The following PKNOX2 variants were observed in gnomAD, a reference collection of about 807,000 sequenced individuals.
The protein encoded by PKNOX2 is PBX/knotted 1 homeobox 2, also known as homeobox protein PKNOX2.
Under a neutral mutation model 53.1 loss-of-function variants are expected in PKNOX2, and 14 were observed. That is an observed-to-expected ratio of 0.26 (90% CI 0.17 to 0.41). The LOEUF is 0.41. Ranked by LOEUF, PKNOX2 falls within the 10% of genes least tolerant of loss-of-function variation. PKNOX2 has a pLI of 1.00. For synonymous variants in PKNOX2, 257 were observed against 242.8 expected (o/e 1.06, Z -0.54); for missense variants, 496 against 602.8 (o/e 0.82, Z 1.85).
chr11:125,268,774 C>G (rs111706061), intron 2 of PKNOX2, among the ~76,000 whole-genome samples: 11 of 151,770 alleles, frequency 7.2e-5, no homozygotes, highest in African/African-American at 2.7e-4. Context: ...GATCTGGGCT[C>G]GGACAAGCAC....
intron 1 of PKNOX2, among the ~76,000 whole-genome samples, chr11:125,187,228 A>T (rs574929423): frequency 6.6e-6 from 1 of 151,032 alleles, no homozygotes; most frequent in East Asian, 1.9e-4. Context: ...GTTGAGATTA[A>T]CTTTTCCGTT....
chr11:125,325,010 A>C (rs1037880801), intron 2 of PKNOX2, among the ~76,000 whole-genome samples: 21 of 152,184 alleles, frequency 1.4e-4, no homozygotes, highest in Admixed American at 4.6e-4. Context: ...AAGTCTTCTG[A>C]TGGGGCTGAA....
At chr11:125,394,449 G>C (rs1002281214) in intron 6 of PKNOX2, among the ~76,000 whole-genome samples, 1 of 152,146 alleles carries the variant, frequency 6.6e-6, no homozygotes, top group East Asian at 1.9e-4. Flanking sequence ...GTGACACTTG[G>C]TCTAATTTAG....
intron 2 of PKNOX2, among the ~76,000 whole-genome samples, chr11:125,326,964 C>A (rs1016254911): frequency 2.0e-5 from 3 of 152,172 alleles, no homozygotes; most frequent in Non-Finnish European, 4.4e-5. Context: ...TCCGTGTAGG[C>A]AAACCACACT....
At chr11:125,234,662 A>G (rs147829135) in intron 1 of PKNOX2, among the ~76,000 whole-genome samples, 1 of 152,150 alleles carries the variant, frequency 6.6e-6, no homozygotes, top group Non-Finnish European at 1.5e-5. Context: ...GTTCCCCTGC[A>G]TGGGGTCTTC....
intron 3 of PKNOX2, among the ~76,000 whole-genome samples, chr11:125,336,527 ATATT>A (rs1439465360): frequency 6.7e-6 from 1 of 148,896 alleles, no homozygotes. Flanking sequence ...TATATCCTAT[ATATT>A]AATATAAGTA....
chr11:125,174,002 G>A (rs774773789), intron 1 of PKNOX2, among the ~76,000 whole-genome samples: 1 of 152,144 alleles, frequency 6.6e-6, no homozygotes, highest in East Asian at 1.9e-4. Flanking sequence ...TTCCCCTCAC[G>A]GTCCTCAGTC....
At chr11:125,292,541 C>T (rs1947368625) in intron 2 of PKNOX2, among the ~76,000 whole-genome samples, 1 of 152,180 alleles carries the variant, frequency 6.6e-6, no homozygotes, top group South Asian at 2.1e-4. Context: ...GGCACTGCCT[C>T]TGTTTCCTTC....
intron 9 of PKNOX2, chr11:125,411,501 T>TCTCTCTCTCTCTCTCTCTCTCC (rs1555172694): frequency 1.1e-4 from 51 of 451,470 alleles, no homozygotes; most frequent in Admixed American, 2.2e-4. Context: ...TCTCTCTCTC[T>TCTCTCTCTCTCTCTCTCTCTCC]CTCTCTCTCC....
chr11:125,364,412 T>C (rs1319170200), intron 4 of PKNOX2, among the ~76,000 whole-genome samples: 1 of 152,180 alleles, frequency 6.6e-6, no homozygotes, highest in East Asian at 1.9e-4. Context: ...AGTGACCATT[T>C]TTGATTTACA....
At chr11:125,276,343 G>A (rs763433723) in intron 2 of PKNOX2, among the ~76,000 whole-genome samples, 2 of 152,190 alleles carry the variant, frequency 1.3e-5, no homozygotes, top group Non-Finnish European at 2.9e-5. Flanking sequence ...GAAAATGGAG[G>A]AGGGACTTGG....
Position 125,184,897 on chromosome 11 carries a change from C to T in PKNOX2, c.-201+20121C>T, listed in dbSNP as rs138466039. 7.3e-3 allele frequency among the ~76,000 whole-genome samples: 1,109 copies of T among 152,254 alleles called. 6 individuals are homozygous for T. Among genetic ancestry groups the T allele is most frequent in the Non-Finnish European group, 0.012 (815 of 68,024 alleles). On this transcript the variant is annotated intron_variant, in intron 1 of 12. Transcript: ENST00000298282. ...TATGCTTGAAACCAGAAACAAACCA[C>T]GAAGAAAGACATCATGATGGGTAGG... is the stretch of plus-strand genomic sequence containing the variant.
At chr11:125,349,588 C>T (rs916920626) in intron 3 of PKNOX2, among the ~76,000 whole-genome samples, 1 of 152,100 alleles carries the variant, frequency 6.6e-6, no homozygotes, top group Non-Finnish European at 1.5e-5. Context: ...ATTCTCCACC[C>T]ACCTCCACCT....
At chr11:125,223,025 T>C (rs1239539566) in intron 1 of PKNOX2, among the ~76,000 whole-genome samples, 1 of 152,162 alleles carries the variant, frequency 6.6e-6, no homozygotes, top group Non-Finnish European at 1.5e-5. Context: ...TGGGATTTTC[T>C]AGATGGCTAA....
At chr11:125,198,961 C>T (rs1379084001) in intron 1 of PKNOX2, among the ~76,000 whole-genome samples, 3 of 151,966 alleles carry the variant, frequency 2.0e-5, no homozygotes, top group African/African-American at 7.3e-5. Flanking sequence ...CTGTCTCAGC[C>T]TCCTGTGTAG....
At chr11:125,338,871 G>A (rs1465436173) in intron 3 of PKNOX2, among the ~76,000 whole-genome samples, 1 of 152,194 alleles carries the variant, frequency 6.6e-6, no homozygotes, top group Non-Finnish European at 1.5e-5. Context: ...GAGACTACAA[G>A]GATTCTGTGC....
At chr11:125,273,147 A>G (rs1397732352) in intron 2 of PKNOX2, among the ~76,000 whole-genome samples, 2 of 151,746 alleles carry the variant, frequency 1.3e-5, no homozygotes, top group Non-Finnish European at 2.9e-5. Context: ...GAATGAGCAC[A>G]CTCCCCAGGC....
At chr11:125,346,869 C>T (rs1378728094) in intron 3 of PKNOX2, among the ~76,000 whole-genome samples, 1 of 151,424 alleles carries the variant, frequency 6.6e-6, no homozygotes, top group Admixed American at 6.6e-5. Context: ...AGAAGACAGG[C>T]AGACCCAGGG....
rs1954825331 is a variant in PKNOX2 at position 125,165,806 on chromosome 11, T to C, written c.-201+1030T>C. Among the ~76,000 whole-genome samples the C allele has an allele frequency of 6.6e-6, 1 of 152,180 alleles. No homozygotes were observed. Among genetic ancestry groups the C allele is most frequent in the African/African-American group, 2.4e-5 (1 of 41,446 alleles). ...GGGATGAGTTCGTAAAAGAGGGAAC[T>C]GAAAGCGATCGAGAGCGGAGAGCTG... On this transcript the variant is annotated intron_variant, in intron 1 of 12. Coordinates refer to ENST00000298282, the MANE Select transcript of PKNOX2 (RefSeq NM_001382323.2). This position sits in a 1 kb window ranked among gnomAD's most constrained non-coding sequence, Gnocchi z 4.5.
Sources: allele counts gnomAD v4.1 joint callset (sites outside exome capture counted in the v4.1 genomes callset), GRCh38; gene constraint gnomAD v4.1.1; non-coding constraint Gnocchi (gnomAD v3.1); transcripts MANE v1.5; gene names NCBI Gene and HGNC (gene_info 2026-07-23, HGNC 2026-07-21).